The following SIM1 variants were observed in gnomAD, a reference collection of about 807,000 sequenced individuals.
The protein encoded by SIM1 is single-minded homolog 1.
A neutral mutation model predicts 78.2 loss-of-function variants in SIM1; 18 were observed. The ratio of observed to expected loss-of-function variants is 0.23; its 90% CI spans 0.16 to 0.34. The LOEUF is 0.34. Ranked by LOEUF, SIM1 falls within the 10% of genes least tolerant of loss-of-function variation. The probability of loss-of-function intolerance (pLI) is 1.00; values close to 1 mark genes in which losing one functional copy is unlikely to be tolerated. For missense variants in SIM1, 939 were observed against 975.1 expected (o/e 0.96, Z 0.49); for synonymous variants, 417 against 385.2 (o/e 1.08, Z -0.97).
intron 3 of SIM1, among the ~76,000 whole-genome samples, chr6:100,452,340 A>G (rs1189983409): frequency 6.6e-6 from 1 of 152,178 alleles, no homozygotes; most frequent in Non-Finnish European, 1.5e-5. Flanking sequence ...GTGGGCTTGT[A>G]AAGCTGCTCT....
rs113660433 is a variant in SIM1 at position 100,433,464 on chromosome 6, C to G, written c.999-12506G>C. Among the ~76,000 whole-genome samples the G allele has an allele frequency of 8.1e-3, 1,239 of 152,292 alleles. 7 individuals carry two copies. The highest frequency in any genetic ancestry group is 0.027 in the Middle Eastern group (8 of 294). Reference sequence around the variant, plus strand: ...CTTCATTTATGAATCTTTAGAGAAACCTTTCTGACCATCCCTACCTCTTTG... The same window carrying G: ...CTTCATTTATGAATCTTTAGAGAAAGCTTTCTGACCATCCCTACCTCTTTG... On this transcript the variant is annotated intron_variant, in intron 9 of 11. Coordinates refer to ENST00000369208, the MANE Select transcript of SIM1 (RefSeq NM_005068.3).
chr6:100,430,841 T>C (rs1442828059), intron 9 of SIM1, among the ~76,000 whole-genome samples: 3 of 152,126 alleles, frequency 2.0e-5, no homozygotes, highest in African/African-American at 7.2e-5. Context: ...AAGTATCCTC[T>C]GGTGGAGGGG....
chr6:100,449,386 C>A lies in SIM1; in HGVS notation c.520G>T (p.Gly174Cys). 1 of 1,613,990 alleles carries A rather than the reference C, an allele frequency of 6.2e-7. No individual in the cohort carries two copies. Among genetic ancestry groups the A allele is most frequent in the Non-Finnish European group, 8.5e-7 (1 of 1,179,962 alleles). ...ACCTTGTAGCCGCCACAGGTGAGGC[C>A]GGCGTTACGCTTGGCCAAGACGCAC... ...MKCVLAKRNA[G>C]LTCGGYKVIH... The change falls in exon 6 of 12, where the codon GGC becomes TGC. Residue 174 changes from glycine to cysteine, a missense_variant. Coordinates refer to ENST00000369208, the MANE Select transcript of SIM1 (RefSeq NM_005068.3).
chr6:100,447,533 C>A (rs1260096259), intron 8 of SIM1, 118 bp from the exon 9 acceptor site: 3 of 1,126,966 alleles, frequency 2.7e-6, no homozygotes, highest in Admixed American at 4.5e-5. Context: ...CTGCACCAGG[C>A]AGGAGAGAGA....
intron 9 of SIM1, among the ~76,000 whole-genome samples, chr6:100,433,251 G>T (rs182848738): frequency 6.6e-6 from 1 of 152,260 alleles, no homozygotes; most frequent in East Asian, 1.9e-4. Flanking sequence ...GATCCAAGGC[G>T]ATCTGGCCCT....
At chr6:100,460,886 A>G (rs953501888) in intron 2 of SIM1, among the ~76,000 whole-genome samples, 2 of 152,218 alleles carry the variant, frequency 1.3e-5, no homozygotes, top group African/African-American at 4.8e-5. Context: ...GTCAAAAATT[A>G]AAAACTCATC....
At chr6:100,455,154 C>G (rs1021509902) in intron 2 of SIM1, among the ~76,000 whole-genome samples, 1 of 152,166 alleles carries the variant, frequency 6.6e-6, no homozygotes, top group African/African-American at 2.4e-5. Context: ...GCAATCAAAG[C>G]CTTGGTAAGG....
rs185794932 is a variant in SIM1 at position 100,428,213 on chromosome 6, G to A, written c.999-7255C>T. 1.4e-3 allele frequency among the ~76,000 whole-genome samples: 211 copies of A among 152,164 alleles called. 1 individual carries two copies. The highest frequency in any genetic ancestry group is 4.9e-3 in the African/African-American group (205 of 41,502). Reference sequence around the variant, plus strand: ...CTTATTTTTATGAAATTATAATTCAGGCTCAGCATATGTGCTACTTAGCCA... The same window carrying A: ...CTTATTTTTATGAAATTATAATTCAAGCTCAGCATATGTGCTACTTAGCCA... On this transcript the variant is annotated intron_variant, in intron 9 of 11. Coordinates refer to ENST00000369208, the MANE Select transcript of SIM1 (RefSeq NM_005068.3).
chr6:100,450,662 A>ACT (rs1225845701), intron 3 of SIM1, among the ~76,000 whole-genome samples: 1 of 93,204 alleles, frequency 1.1e-5, no homozygotes, highest in Non-Finnish European at 2.3e-5. Context: ...ACACACACAC[A>ACT]CTGTCTCTCT....
intron 10 of SIM1, among the ~76,000 whole-genome samples, chr6:100,420,048 C>CCA (rs1344105806): frequency 6.6e-6 from 1 of 152,140 alleles, no homozygotes; most frequent in Non-Finnish European, 1.5e-5. Context: ...GGTGAGGTGG[C>CCA]CACAGGATAT....
chr6:100,409,680 C>G (rs1771143722), intron 10 of SIM1, among the ~76,000 whole-genome samples: 1 of 151,970 alleles, frequency 6.6e-6, no homozygotes. Flanking sequence ...TATACACTTT[C>G]CTATTAAAAC....
In SIM1 at chr6:100,390,872, C is replaced by T. The variant is rs770641539; in HGVS notation, c.1790G>A (p.Gly597Glu). The T allele has an allele frequency of 1.2e-6, 2 of 1,614,100 alleles. No individual in the cohort carries two copies. Among genetic ancestry groups the T allele is most frequent in the East Asian group, 4.5e-5 (2 of 44,874 alleles). The part of the protein sequence containing the change: ...APSDQLASIN[G>E]AGKKHSLCFA... ...ACACAGGGAGTGTTTTTTCCCAGCC[C>T]CATTAATGGAAGCCAGTTGGTCTGA... The change falls in exon 12 of 12, where the codon GGG becomes GAG. Residue 597 changes from glycine to glutamate, a missense_variant. Coordinates refer to ENST00000369208, the MANE Select transcript of SIM1 (RefSeq NM_005068.3).
chr6:100,412,555 AAAAGAAAG>A (rs761518217), intron 10 of SIM1, among the ~76,000 whole-genome samples: 9,083 of 64,206 alleles, frequency 0.14, 765 homozygotes, highest in African/African-American at 0.18. Context: ...AGAAAGAAAG[AAAAGAAAG>A]AAAGAAAGAA....
chr6:100,395,202 A>C (rs1441786383), intron 10 of SIM1, among the ~76,000 whole-genome samples: 1 of 152,220 alleles, frequency 6.6e-6, no homozygotes, highest in Non-Finnish European at 1.5e-5. Context: ...ATTACCTACT[A>C]TGATAATGAT....
At chr6:100,433,740 CCACA>C (rs528530747) in intron 9 of SIM1, among the ~76,000 whole-genome samples, 11 of 124,288 alleles carry the variant, frequency 8.9e-5, no homozygotes, top group African/African-American at 9.2e-5. Context: ...ACCCCCCCAC[CCACA>C]CACACACACA....
chr6:100,427,744 A>T (rs980418725), intron 9 of SIM1, among the ~76,000 whole-genome samples: 10 of 152,152 alleles, frequency 6.6e-5, no homozygotes, highest in Non-Finnish European at 1.5e-4. Flanking sequence ...CCTCCAGGCC[A>T]CAGTGATTTC....
intron 2 of SIM1, among the ~76,000 whole-genome samples, chr6:100,457,105 T>C (rs1772683920): frequency 6.6e-6 from 1 of 152,220 alleles, no homozygotes. Flanking sequence ...GAGCTTTTCC[T>C]TCGGAATGAA....
At position 100,385,667 on chromosome 6, in the gene SIM1, T is replaced by TG. The variant is rs1562227228; in HGVS notation, c.*4693_*4694insC. On this transcript the variant is annotated 3_prime_UTR_variant, in exon 12 of 12. Transcript: ENST00000369208. ...CTTATGTGAACCATCATTTATTTAT[T>TG]TATGTGTGTGTGTGTGTGTGTGTGT... 1.5e-5 allele frequency: 1 copy of TG among 64,650 alleles called. No individual in the cohort carries two copies. The highest frequency in any genetic ancestry group is 5.9e-5 in the African/African-American group (1 of 16,974). 4.0% of individuals were successfully genotyped at this position (64,650 alleles called of 1,614,324 possible).
intron 10 of SIM1, among the ~76,000 whole-genome samples, chr6:100,412,569 AAGAAAGAAAG>A (rs1410814046): frequency 3.0e-4 from 32 of 107,648 alleles, no homozygotes; most frequent in Admixed American, 2.1e-3. Context: ...GAAAGAAAGA[AAGAAAGAAAG>A]AAAGAAAGAA....
Sources: allele counts gnomAD v4.1 joint callset (sites outside exome capture counted in the v4.1 genomes callset), GRCh38; gene constraint gnomAD v4.1.1; transcripts MANE v1.5; gene names NCBI Gene and HGNC (gene_info 2026-07-23, HGNC 2026-07-21).